Variants in CFAP206 observed in about 807,000 individuals in gnomAD.
CFAP206 encodes the protein cilia and flagella associated protein 206.
A neutral mutation model predicts 65.4 loss-of-function variants in CFAP206; 53 were observed. That is an observed-to-expected ratio of 0.81 (90% CI 0.65 to 1.02). The LOEUF (loss-of-function observed/expected upper bound fraction) is 1.02. Ranked by LOEUF, CFAP206 falls within the 50% of genes least tolerant of loss-of-function variation. CFAP206 has a pLI of 0.00. For missense variants in CFAP206, 663 were observed against 753.2 expected (o/e 0.88, Z 1.40); for synonymous variants, 250 against 254.4 (o/e 0.98, Z 0.17).
intron 3 of CFAP206, 87 bp downstream of exon 3, chr6:87,410,755 G>T: frequency 9.5e-7 from 1 of 1,057,854 alleles, no homozygotes; most frequent in South Asian, 1.3e-5. Flanking sequence ...GCCTTCAGCT[G>T]CATGAAACAA....
At position 87,418,221 on chromosome 6, in the gene CFAP206, C is replaced by T; in HGVS notation, c.645C>T (p.Leu215=). Residue 215 remains leucine (L), a synonymous_variant, in exon 7 of 13, where the codon CTC becomes CTT. Coordinates refer to ENST00000369562, the MANE Select transcript of CFAP206 (RefSeq NM_001031743.3). The part of the protein sequence containing the change: ...GEGIDDLPAV[L]HVAIPATMQH... ...TCTTACAAACAGTGCCAGCTGTTCT[C>T]CATGTAGCAATCCCAGCCACCATGC... 1 of 1,614,082 alleles carries T rather than the reference C, an allele frequency of 6.2e-7. No individual in the cohort carries two copies. The highest frequency in any genetic ancestry group is 1.1e-5 in the South Asian group (1 of 91,070).
At chr6:87,413,977 CAATG>C in intron 4 of CFAP206, 77 bp downstream of exon 4, 1 of 645,240 alleles carries the variant, frequency 1.5e-6, no homozygotes, top group Non-Finnish European at 2.4e-6. Flanking sequence ...ATTTGGTTGA[CAATG>C]AATTTAATTG....
rs768978341 is a variant in CFAP206 at position 87,426,606 on chromosome 6, CA to C, written c.922del (p.Ile308Ter). 3.1e-6 allele frequency: 5 copies of C among 1,594,860 alleles called. No individual in the cohort carries two copies. The part of the protein sequence containing the change: ...GAHLEQLKMT[I>X]KSKIAVPTSQ... Reference sequence around the variant, plus strand: ...CCCATCTGGAACAACTAAAAATGACCATAAAATCAAAGATAGCGGTCCCAAC... The same window carrying C: ...CCCATCTGGAACAACTAAAAATGACCTAAAATCAAAGATAGCGGTCCCAAC... On this transcript the variant is annotated frameshift_variant, in exon 8 of 13. Coordinates refer to ENST00000369562, the MANE Select transcript of CFAP206 (RefSeq NM_001031743.3). LOFTEE classifies it high-confidence loss of function.
At chr6:87,460,914 A>G (rs986706999) in intron 11 of CFAP206, 108 bp from the exon 12 acceptor site, 9 of 918,520 alleles carry the variant, frequency 9.8e-6, no homozygotes, top group Non-Finnish European at 1.4e-5. Flanking sequence ...TCCATGTCCA[A>G]AAATTATTGT....
At chr6:87,446,622 G>A (rs1243955010) in intron 11 of CFAP206, among the ~76,000 whole-genome samples, 1 of 152,180 alleles carries the variant, frequency 6.6e-6, no homozygotes, top group Non-Finnish European at 1.5e-5. Context: ...TTGAAATTGG[G>A]TAGCATGATG....
chr6:87,409,730 AT>A lies in CFAP206; in HGVS notation c.-5-104del, dbSNP rs1379643093. ...AAAAATGCTAATAAGCTAATAGATG[AT>A]ATTATGACTGTTTACAAATACAATA... On this transcript the variant is annotated intron_variant, in intron 1 of 12. Transcript: ENST00000369562. The A allele has an allele frequency of 1.0e-5, 7 of 696,184 alleles. No homozygotes were observed. In the African/African-American group the frequency reaches 1.1e-4, roughly 11 times the overall value. The allele number at this position is 696,184 out of a possible 1,614,324, so 43.1% of individuals were successfully genotyped here. A position where few individuals can be genotyped will look rare whatever the true frequency, so the allele number is the denominator to read the frequency against.
At chr6:87,431,285 A>C in intron 10 of CFAP206, 112 bp downstream of exon 10, 1 of 1,018,830 alleles carries the variant, frequency 9.8e-7, no homozygotes, top group Non-Finnish European at 1.4e-6. Context: ...TCTAATGGTG[A>C]ACTAACAAAG....
At chr6:87,456,194 T>C (rs2127957167) in intron 11 of CFAP206, among the ~76,000 whole-genome samples, 1 of 152,290 alleles carries the variant, frequency 6.6e-6, no homozygotes, top group South Asian at 2.1e-4. Flanking sequence ...GATGCAAGGA[T>C]AGTTCAACAT....
chr6:87,437,469 T>G (rs1049322456), intron 11 of CFAP206, among the ~76,000 whole-genome samples: 1 of 152,190 alleles, frequency 6.6e-6, no homozygotes, highest in African/African-American at 2.4e-5. Flanking sequence ...TTATAAAAGT[T>G]GCAAATGTCT....
intron 6 of CFAP206, among the ~76,000 whole-genome samples, chr6:87,417,755 C>CTTTT (rs11394814): frequency 9.4e-4 from 115 of 121,736 alleles, no homozygotes; most frequent in Middle Eastern, 4.7e-3. Flanking sequence ...GTTTTAGATT[C>CTTTT]TTTTTTTTTT....
At chr6:87,419,968 T>C (rs145158944) in intron 7 of CFAP206, among the ~76,000 whole-genome samples, 41 of 152,244 alleles carry the variant, frequency 2.7e-4, no homozygotes, top group Non-Finnish European at 5.4e-4. Context: ...TCCCAGCTAC[T>C]TGGGAGGCTA....
intron 12 of CFAP206, among the ~76,000 whole-genome samples, chr6:87,461,902 T>C (rs1205866973): frequency 6.6e-6 from 1 of 151,678 alleles, no homozygotes; most frequent in Non-Finnish European, 1.5e-5. Flanking sequence ...TGCAGGGGAG[T>C]GGGAAAGCTT....
chr6:87,429,154 G>A (rs1205876651), intron 9 of CFAP206, among the ~76,000 whole-genome samples: 3 of 151,900 alleles, frequency 2.0e-5, no homozygotes, highest in South Asian at 2.1e-4. Context: ...TGAACCTAGC[G>A]GGTCAGAGGT....
chr6:87,408,145 C>A lies in CFAP206; in HGVS notation c.-6+56C>A, dbSNP rs938183652. The A allele has an allele frequency of 4.4e-6, 4 of 918,166 alleles. No homozygotes were observed. In the African/African-American group the frequency reaches 7.2e-5, roughly 16 times the overall value. 56.9% of individuals were successfully genotyped at this position (918,166 alleles called of 1,614,324 possible). ...CCCGGAGGCGTACCCCGCCAGGCGG[C>A]GAGCTTGGGGCGGCTGGCGGAGCTC... On this transcript the variant is annotated intron_variant, in intron 1 of 12. Transcript: ENST00000369562.
At chr6:87,437,643 CATTTTATTTTT>C (rs916194651) in intron 11 of CFAP206, among the ~76,000 whole-genome samples, 68 of 151,246 alleles carry the variant, frequency 4.5e-4, no homozygotes, top group African/African-American at 1.6e-3. Context: ...TTATTCTTTA[CATTTTATTTTT>C]ATTTTATTTT....
intron 7 of CFAP206, among the ~76,000 whole-genome samples, chr6:87,423,269 G>A (rs1364254103): frequency 7.1e-6 from 1 of 140,584 alleles, no homozygotes; most frequent in African/African-American, 2.7e-5. Flanking sequence ...TTTTTTTTGA[G>A]ACGGAGTCTC....
chr6:87,421,623 A>T (rs1767943444), intron 7 of CFAP206, among the ~76,000 whole-genome samples: 1 of 152,170 alleles, frequency 6.6e-6, no homozygotes, highest in East Asian at 1.9e-4. Context: ...AGTTTTGTTG[A>T]CTCTTAACTG....
intron 7 of CFAP206, among the ~76,000 whole-genome samples, chr6:87,424,514 T>A: frequency 6.6e-6 from 1 of 152,108 alleles, no homozygotes; most frequent in East Asian, 1.9e-4. Flanking sequence ...CCTGACCTCA[T>A]GATCCGCCTA....
chr6:87,456,002 A>G (rs1326423682), intron 11 of CFAP206, among the ~76,000 whole-genome samples: 1 of 152,240 alleles, frequency 6.6e-6, no homozygotes, highest in Non-Finnish European at 1.5e-5. Flanking sequence ...TTCCAAACTC[A>G]TTCTACAAGG....
Sources: gnomAD v4.1 joint callset for allele counts (sites outside exome capture counted in the v4.1 genomes callset) on GRCh38, gnomAD v4.1.1 for gene constraint, MANE v1.5 for transcripts, NCBI Gene and HGNC (gene_info 2026-07-23, HGNC 2026-07-21) for gene names.